The following NCAM2 variants were observed in gnomAD, a reference collection of about 807,000 sequenced individuals.
NCAM2 encodes the protein neural cell adhesion molecule 2.
A neutral mutation model predicts 98.1 loss-of-function variants in NCAM2; 30 were observed. The observed-to-expected ratio is 0.31, with a 90% CI of 0.23 to 0.41. NCAM2 has a LOEUF of 0.41. NCAM2 is among the 10% of genes least tolerant of loss of function. NCAM2 has a pLI of 1.00. For missense variants in NCAM2, 867 were observed against 1,005.8 expected (o/e 0.86, Z 1.87); for synonymous variants, 368 against 342.4 (o/e 1.07, Z -0.83).
chr21:21,486,244 C>T, intron 15 of NCAM2, among the ~76,000 whole-genome samples: 1 of 131,138 alleles, frequency 7.6e-6, no homozygotes. Flanking sequence ...GCGGAGCTTG[C>T]AGTGAGCCGA....
intron 1 of NCAM2, among the ~76,000 whole-genome samples, chr21:21,210,998 ACACACACACACACACACAC>A (rs1347179896): frequency 6.6e-6 from 1 of 150,926 alleles, no homozygotes; most frequent in African/African-American, 2.4e-5. Context: ...ACACACACAC[ACACACACACACACACACAC>A]ACACACGGGT....
chr21:21,017,145 G>A (rs2064326094), intron 1 of NCAM2, among the ~76,000 whole-genome samples: 1 of 152,046 alleles, frequency 6.6e-6, no homozygotes, highest in Non-Finnish European at 1.5e-5. Context: ...TAGAAATGGG[G>A]CTGGGTGCCA....
In NCAM2 at chr21:21,538,662, A is replaced by G. The variant is rs146019015; in HGVS notation, c.*705A>G. 37 of 152,250 alleles carry G rather than the reference A, an allele frequency of 2.4e-4. No individual in the cohort carries two copies. Among genetic ancestry groups the G allele is most frequent in the African/African-American group, 8.9e-4 (37 of 41,558 alleles). The allele number at this position is 152,250 out of a possible 1,614,324, so 9.4% of individuals were successfully genotyped here. The stretch of plus-strand genomic sequence containing the variant: ...AGACTTTCTAAATCTCTATCTCTTT[A>G]TATATGTCCTATTCATTCACAATGG... On this transcript the variant is annotated 3_prime_UTR_variant, in exon 18 of 18. Coordinates refer to ENST00000400546, the MANE Select transcript of NCAM2 (RefSeq NM_004540.5).
chr21:21,524,423 G>T lies in NCAM2; in HGVS notation c.2283-10114G>T, dbSNP rs1202980051. The stretch of plus-strand genomic sequence containing the variant: ...CTATAAGGAACTCATTCAGCAAGCA[G>T]AAAAAAAAAAAAAAATGGAATACAT... On this transcript the variant is annotated intron_variant, in intron 16 of 17. Transcript: ENST00000400546. Among the ~76,000 whole-genome samples, 5 of 129,046 alleles carry T rather than the reference G, an allele frequency of 3.9e-5. No individual in the cohort carries two copies. In the East Asian group the frequency reaches 1.1e-3, roughly 30 times the overall value. 84.7% of individuals were successfully genotyped at this position (129,046 alleles called of 152,430 possible).
chr21:21,178,831 T>C (rs2068380450), intron 1 of NCAM2, among the ~76,000 whole-genome samples: 2 of 152,084 alleles, frequency 1.3e-5, no homozygotes, highest in Admixed American at 1.3e-4. Flanking sequence ...ACCTATGAAA[T>C]GGTTCTCTTA....
intron 1 of NCAM2, among the ~76,000 whole-genome samples, chr21:21,275,014 T>TA (rs954929545): frequency 7.9e-5 from 12 of 152,142 alleles, no homozygotes; most frequent in Non-Finnish European, 1.8e-4. Context: ...CTATAAATTT[T>TA]AAAAATATCT....
At chr21:21,096,748 T>TTG (rs201282688) in intron 1 of NCAM2, among the ~76,000 whole-genome samples, 19 of 151,474 alleles carry the variant, frequency 1.3e-4, no homozygotes, top group East Asian at 9.7e-4. Context: ...TTTAATGTTT[T>TTG]TGTGTGTGTG....
At position 21,278,837 on chromosome 21, in the gene NCAM2, C is replaced by A. The variant is rs972665567; in HGVS notation, c.56-1741C>A. Among the ~76,000 whole-genome samples the A allele has an allele frequency of 7.2e-5, 11 of 152,066 alleles. No homozygotes were observed. In the South Asian group the frequency reaches 8.3e-4, roughly 11 times the overall value. The stretch of plus-strand genomic sequence containing the variant: ...AAATATTTTGTTGCTTCCTCCTGTT[C>A]TTTATTACACATTTTATTTCTTTAA... On this transcript the variant is annotated intron_variant, in intron 1 of 17. Coordinates refer to ENST00000400546, the MANE Select transcript of NCAM2 (RefSeq NM_004540.5).
intron 1 of NCAM2, among the ~76,000 whole-genome samples, chr21:21,221,275 C>A (rs964570378): frequency 6.6e-6 from 1 of 152,060 alleles, no homozygotes; most frequent in Non-Finnish European, 1.5e-5. Flanking sequence ...CAATTACCAC[C>A]CCTACAATGG....
intron 1 of NCAM2, among the ~76,000 whole-genome samples, chr21:21,187,465 A>T (rs975494635): frequency 1.3e-5 from 2 of 152,076 alleles, no homozygotes; most frequent in African/African-American, 4.8e-5. Context: ...ACAACAACAA[A>T]AAAGGGAAAT....
At chr21:21,529,011 A>G (rs1423010782) in intron 16 of NCAM2, among the ~76,000 whole-genome samples, 1 of 152,146 alleles carries the variant, frequency 6.6e-6, no homozygotes, top group Non-Finnish European at 1.5e-5. Context: ...GCTGTTGTCT[A>G]TTTGGCATAT....
intron 1 of NCAM2, among the ~76,000 whole-genome samples, chr21:21,088,865 G>A (rs538624318): frequency 1.5e-4 from 23 of 152,008 alleles, no homozygotes; most frequent in African/African-American, 2.7e-4. Flanking sequence ...CCAGCTACTC[G>A]GGAGGCTGAG....
chr21:21,125,893 G>T (rs963389783), intron 1 of NCAM2, among the ~76,000 whole-genome samples: 1 of 151,452 alleles, frequency 6.6e-6, no homozygotes, highest in Non-Finnish European at 1.5e-5. Context: ...GGGAAGAAAT[G>T]ATGGAAAGTT....
intron 1 of NCAM2, among the ~76,000 whole-genome samples, chr21:21,248,483 T>C (rs1177575256): frequency 2.0e-5 from 3 of 152,038 alleles, no homozygotes; most frequent in African/African-American, 7.2e-5. Context: ...TGCTCTCTTG[T>C]GAAAAAAGTC....
At chr21:21,476,996 G>C (rs1234497648) in intron 14 of NCAM2, among the ~76,000 whole-genome samples, 1 of 151,024 alleles carries the variant, frequency 6.6e-6, no homozygotes, top group Non-Finnish European at 1.5e-5. Flanking sequence ...AAAACTAACT[G>C]ATATATGTGA....
rs181450484 is a variant in NCAM2, at chr21:21,480,162, C to G, written c.2077+2691C>G. The stretch of plus-strand genomic sequence containing the variant: ...CGGGCGGATCACGAGGTCAGGAGAT[C>G]GAGACCATCCTGACTAACACAGTGA... On this transcript the variant is annotated intron_variant, in intron 15 of 17. Transcript: ENST00000400546. Among the ~76,000 whole-genome samples the G allele has an allele frequency of 7.3e-3, 1,109 of 151,864 alleles. 17 individuals are homozygous for G. Among genetic ancestry groups the G allele is most frequent in the African/African-American group, 0.025 (1,026 of 41,398 alleles).
chr21:21,494,384 A>C (rs1239066077), intron 15 of NCAM2, among the ~76,000 whole-genome samples: 1 of 151,818 alleles, frequency 6.6e-6, no homozygotes, highest in Non-Finnish European at 1.5e-5. Flanking sequence ...CAGAAAAATA[A>C]AATTGGTCAG....
Position 21,076,530 on chromosome 21 carries a change from G to A in NCAM2, c.55+77912G>A, listed in dbSNP as rs563691717. ...TTTGAAACATGCCATTCCCTCTTCC[G>A]TCCTTTGTTTTTTCTCTAATCGTCA... is the stretch of plus-strand genomic sequence containing the variant. On this transcript the variant is annotated intron_variant, in intron 1 of 17. Transcript: ENST00000400546. Among the ~76,000 whole-genome samples, 27 of 151,988 alleles carry A rather than the reference G, an allele frequency of 1.8e-4. No homozygotes were observed. The South Asian group carries it at 2.9e-3, about 16-fold the overall frequency.
chr21:21,535,983 A>G (rs1602583137), intron 17 of NCAM2, among the ~76,000 whole-genome samples: 1 of 152,284 alleles, frequency 6.6e-6, no homozygotes, highest in East Asian at 1.9e-4. Context: ...ATATATTATT[A>G]TGCTAACTTA....
Sources: allele counts gnomAD v4.1 joint callset (sites outside exome capture counted in the v4.1 genomes callset), GRCh38; gene constraint gnomAD v4.1.1; transcripts MANE v1.5; gene names NCBI Gene and HGNC (gene_info 2026-07-23, HGNC 2026-07-21).